The following MED12L variants were observed in gnomAD, a reference collection of about 807,000 sequenced individuals.
MED12L encodes mediator complex subunit 12L.
A neutral mutation model predicts 281.3 loss-of-function variants in MED12L; 60 were observed. The ratio of observed to expected loss-of-function variants is 0.21; its 90% CI spans 0.17 to 0.26. MED12L has a LOEUF of 0.26. Among genes scored for constraint, MED12L ranks in the 10% least tolerant of loss-of-function variants. The pLI is 1.00. For synonymous variants in MED12L, 974 were observed against 987.2 expected (o/e 0.99, Z 0.25); for missense variants, 2,146 against 2,680.9 (o/e 0.80, Z 4.41).
At chr3:151,350,557 G>A (rs186948526) in intron 17 of MED12L, among the ~76,000 whole-genome samples, 98 of 152,176 alleles carry the variant, frequency 6.4e-4, no homozygotes, top group Non-Finnish European at 1.3e-3. Flanking sequence ...CCTTTAGTCT[G>A]GAAGAGATCC....
At chr3:151,349,454 T>A (rs1299780829) in intron 16 of MED12L, among the ~76,000 whole-genome samples, 2 of 152,196 alleles carry the variant, frequency 1.3e-5, no homozygotes, top group African/African-American at 4.8e-5. Flanking sequence ...ATAAATGGAA[T>A]ATATATAGTT....
At chr3:151,214,647 A>G (rs1222734682) in intron 16 of MED12L, among the ~76,000 whole-genome samples, 1 of 143,432 alleles carries the variant, frequency 7.0e-6, no homozygotes, top group East Asian at 2.1e-4. Flanking sequence ...TTGGGCAATG[A>G]AAAGGGAAGA....
At position 151,275,696 on chromosome 3, in the gene MED12L, C is replaced by T. The variant is rs560247026; in HGVS notation, c.2251-74363C>T. On this transcript the variant is annotated intron_variant, in intron 16 of 44. Coordinates refer to ENST00000687756, the MANE Select transcript of MED12L (RefSeq NM_001393769.1). ...GGGTGCTAGGGAGGAAAAGAAAATT[C>T]CCTGTAAAGAAGAACCAGAAAATTT... Among the ~76,000 whole-genome samples the T allele has an allele frequency of 3.3e-5, 5 of 152,138 alleles. No homozygotes were observed. In the South Asian group the frequency reaches 1.0e-3, roughly 32 times the overall value.
chr3:151,312,430 T>C (rs537406805), intron 16 of MED12L, among the ~76,000 whole-genome samples: 3 of 152,340 alleles, frequency 2.0e-5, no homozygotes, highest in African/African-American at 7.2e-5. Flanking sequence ...TCATTTTGTT[T>C]CTGCTGCCCT....
chr3:151,199,241 A>G (rs1308071151), intron 16 of MED12L: 1 of 1,614,062 alleles, frequency 6.2e-7, no homozygotes, highest in Admixed American at 1.7e-5. Flanking sequence ...GTAGATGCTC[A>G]CACACCTGTG....
In MED12L at chr3:151,285,328, AC is replaced by A. The variant is rs1377088664; in HGVS notation, c.2251-64730del. ...TGAAACCCCGTCTCTACTAAAAAATACAAAAAATTAGCCGGGTGTGGTGGCG... is the reference window on the plus strand; with the variant it reads ...TGAAACCCCGTCTCTACTAAAAAATAAAAAAATTAGCCGGGTGTGGTGGCG... On this transcript the variant is annotated intron_variant, in intron 16 of 44. Transcript: ENST00000687756. Among the ~76,000 whole-genome samples the A allele has an allele frequency of 6.6e-5, 10 of 152,170 alleles. No homozygotes were observed. In the South Asian group the frequency reaches 1.9e-3, roughly 28 times the overall value.
intron 16 of MED12L, among the ~76,000 whole-genome samples, chr3:151,237,993 C>G (rs1251220663): frequency 6.6e-6 from 1 of 152,100 alleles, no homozygotes; most frequent in Non-Finnish European, 1.5e-5. Context: ...TTGTGACTTA[C>G]TGTTTTCACT....
intron 16 of MED12L, among the ~76,000 whole-genome samples, chr3:151,234,507 A>G (rs896726505): frequency 6.6e-6 from 1 of 152,188 alleles, no homozygotes; most frequent in Non-Finnish European, 1.5e-5. Context: ...CTGTGTTGGG[A>G]GAGAGCTTTG....
intron 16 of MED12L, among the ~76,000 whole-genome samples, chr3:151,343,068 C>T (rs1246795127): frequency 2.0e-5 from 3 of 152,066 alleles, no homozygotes; most frequent in Admixed American, 2.0e-4. Context: ...CTATCACACC[C>T]TCTCCTCAAC....
rs768584576 is a variant in MED12L at position 151,165,423 on chromosome 3, C to T, written c.1261C>T (p.Arg421Trp). The T allele has an allele frequency of 7.4e-6, 12 of 1,612,856 alleles. No homozygotes were observed. Among genetic ancestry groups the T allele is most frequent in the South Asian group, 1.1e-5 (1 of 90,996 alleles). ...GGNTAFNQQV[R>W]ARIYEVEQQI... is the part of the protein sequence containing the mutation. ...ATTAGAAGCGATTATCTTTCAGGTT[C>T]GGGCAAGGATTTATGAAGTAGAACA... Residue 421 changes from arginine (R) to tryptophan (W), a missense_variant, in exon 10 of 45, where the codon CGG (arginine) becomes TGG (tryptophan). Transcript: ENST00000687756.
In MED12L at chr3:151,271,192, TA is replaced by T. The variant is rs538641565; in HGVS notation, c.2250+77534del. 1.7e-3 allele frequency among the ~76,000 whole-genome samples: 262 copies of T among 152,038 alleles called. 1 individual carries two copies. Among genetic ancestry groups the T allele is most frequent in the African/African-American group, 5.4e-3 (222 of 41,480 alleles). On this transcript the variant is annotated intron_variant, in intron 16 of 44. Coordinates refer to ENST00000687756, the MANE Select transcript of MED12L (RefSeq NM_001393769.1). ...TAATAAAAAGACAAACTCAGTTTCT[TA>T]AAAAAAATGCTGAAAAGATGCAAAC...
chr3:151,284,016 C>G (rs961149826), intron 16 of MED12L, among the ~76,000 whole-genome samples: 3 of 152,144 alleles, frequency 2.0e-5, no homozygotes, highest in African/African-American at 7.2e-5. Flanking sequence ...AGTGATAGAA[C>G]AAGTTAGGAA....
chr3:151,155,167 T>C (rs1345246399), intron 5 of MED12L, among the ~76,000 whole-genome samples: 1 of 152,204 alleles, frequency 6.6e-6, no homozygotes, highest in East Asian at 1.9e-4. Context: ...TATTGCTGAA[T>C]AATGGGAAAA....
At chr3:151,190,364 G>A (rs1723812843) in intron 13 of MED12L, among the ~76,000 whole-genome samples, 8 of 151,976 alleles carry the variant, frequency 5.3e-5, no homozygotes, top group Admixed American at 5.2e-4. Flanking sequence ...TAGAGACGGG[G>A]TTTCACCATA....
intron 5 of MED12L, among the ~76,000 whole-genome samples, chr3:151,138,096 T>C (rs1716412430): frequency 6.6e-6 from 1 of 152,208 alleles, no homozygotes; most frequent in Admixed American, 6.5e-5. Context: ...TTGCAAAAAA[T>C]ATGCAAATAC....
intron 8 of MED12L, 55 bp downstream of exon 8, chr3:151,160,156 A>C: frequency 6.9e-7 from 1 of 1,451,460 alleles, no homozygotes; most frequent in Non-Finnish European, 9.2e-7. Context: ...GAAGTGATTG[A>C]GTTGGGAATG....
chr3:151,240,086 C>G (rs1488892894), intron 16 of MED12L, among the ~76,000 whole-genome samples: 1 of 151,584 alleles, frequency 6.6e-6, no homozygotes, highest in East Asian at 1.9e-4. Context: ...GTGGGTCTCA[C>G]AGCCCCTGAC....
At chr3:151,306,013 G>A (rs760772870) in intron 16 of MED12L, among the ~76,000 whole-genome samples, 5 of 152,096 alleles carry the variant, frequency 3.3e-5, no homozygotes, top group Admixed American at 6.6e-5. Flanking sequence ...CACAGCATAC[G>A]CGTTGACATC....
rs148215883 is a variant in MED12L at position 151,185,546 on chromosome 3, A to G, written c.1626+85A>G. On this transcript the variant is annotated intron_variant, in intron 12 of 44. Coordinates refer to ENST00000687756, the MANE Select transcript of MED12L (RefSeq NM_001393769.1). ...AAGATCATTTTCTCTTACCCTCATT[A>G]TGTTATTCTTTTGCTCTTGAGGAAA... 492 of 1,418,894 alleles carry G rather than the reference A, an allele frequency of 3.5e-4. 2 individuals are homozygous for G. In the African/African-American group the frequency reaches 6.2e-3, roughly 18 times the overall value. The allele number at this position is 1,418,894 out of a possible 1,614,324, so 87.9% of individuals were successfully genotyped here. A position where few individuals can be genotyped will look rare whatever the true frequency, so the allele number is the denominator to read the frequency against.
Sources: allele counts gnomAD v4.1 joint callset (sites outside exome capture counted in the v4.1 genomes callset), GRCh38; gene constraint gnomAD v4.1.1; transcripts MANE v1.5; gene names NCBI Gene and HGNC (gene_info 2026-07-23, HGNC 2026-07-21).